NFKBIB: variants seen among roughly 807,000 people sequenced by gnomAD.
NFKBIB encodes the protein NF-kappa-B inhibitor beta.
Under a neutral mutation model 32.1 loss-of-function variants are expected in NFKBIB, and 16 were observed. The observed-to-expected ratio is 0.50, with a 90% CI of 0.34 to 0.76. The LOEUF is 0.76. Among genes scored for constraint, NFKBIB ranks in the 30% least tolerant of loss-of-function variants. The probability of loss-of-function intolerance (pLI) is 0.01; values close to 1 mark genes in which losing one functional copy is unlikely to be tolerated. For missense variants in NFKBIB, 437 were observed against 514.9 expected (o/e 0.85, Z 1.46); for synonymous variants, 222 against 219.5 (o/e 1.01, Z -0.10).
intron 5 of NFKBIB, 52 bp from the exon 6 acceptor site, chr19:38,908,679 G>A (rs1407826732): frequency 6.3e-6 from 10 of 1,575,406 alleles, no homozygotes; most frequent in Non-Finnish European, 8.6e-6. Flanking sequence ...CATGGGTGGT[G>A]GGCAAAGTGA....
chr19:38,899,790 A>G, upstream of NFKBIB: 5 of 675,422 alleles, frequency 7.4e-6, no homozygotes, highest in South Asian at 9.1e-5. Flanking sequence ...GCGTGGCGTC[A>G]GCAGCCATGT....
rs771890953 is a variant in NFKBIB, at chr19:38,908,851, T to A, written c.*19T>A. 6 of 1,610,730 alleles carry A rather than the reference T, an allele frequency of 3.7e-6. No individual in the cohort carries two copies. Among genetic ancestry groups the A allele is most frequent in the Non-Finnish European group, 4.2e-6 (5 of 1,179,162 alleles). On this transcript the variant is annotated 3_prime_UTR_variant, in exon 6 of 6. Coordinates refer to ENST00000313582, the MANE Select transcript of NFKBIB (RefSeq NM_002503.5). ...CGTGTGATTTGTTTCATTGTTAATA[T>A]AATTTCCAGTTTAATAAACAAAACC... is the stretch of plus-strand genomic sequence containing the variant.
chr19:38,905,668 G>A lies in NFKBIB; in HGVS notation c.619+133G>A, dbSNP rs761468270. 38 of 675,422 alleles carry A rather than the reference G, an allele frequency of 5.6e-5. No individual in the cohort carries two copies. The highest frequency in any genetic ancestry group is 9.1e-5 in the Non-Finnish European group (37 of 405,298). 41.8% of individuals were successfully genotyped at this position (675,422 alleles called of 1,614,324 possible). On this transcript the variant is annotated intron_variant, in intron 3 of 5. Coordinates refer to ENST00000313582, the MANE Select transcript of NFKBIB (RefSeq NM_002503.5). The surrounding 1 kb of genome is among the most constrained non-coding windows in gnomAD (Gnocchi z 5.5). ...TAGGCTTCAGGAGCCCACACATCGG[G>A]ACCAGGGACCTCCACTCAGGGCCCA...
In NFKBIB at chr19:38,900,200, G is replaced by T; in HGVS notation, c.168G>T (p.Glu56Asp). 6.2e-7 allele frequency: 1 copy of T among 1,602,016 alleles called. No individual in the cohort carries two copies. Among genetic ancestry groups the T allele is most frequent in the Non-Finnish European group, 8.5e-7 (1 of 1,176,118 alleles). Residue 56 changes from glutamate (E) to aspartate (D), a missense_variant, in exon 1 of 6, where the codon GAG becomes GAT. Coordinates refer to ENST00000313582, the MANE Select transcript of NFKBIB (RefSeq NM_002503.5). ...CCCTCGTCTTCGGCTACGTCACTGAGGATGGGGACACGTGAGTGAACCTTA... is the reference window on the plus strand; with the variant it reads ...CCCTCGTCTTCGGCTACGTCACTGATGATGGGGACACGTGAGTGAACCTTA... ...WAPLVFGYVT[E>D]DGDTALHLAV...
rs769871272 is a variant in NFKBIB, at chr19:38,908,775, C to T, written c.1014C>T (p.Thr338=). ...TGGTTCACAGCAGCCGCAGCCAAAC[C>T]CGGCTGCCTCCCACCCCAGCCTCAA... ...DIVVHSSRSQ[T]RLPPTPASKP... is the part of the protein sequence containing the mutation. The change falls in exon 6 of 6, where the codon ACC becomes ACT. Residue 338 remains threonine (T), a synonymous_variant. Transcript: ENST00000313582. The T allele has an allele frequency of 1.2e-6, 2 of 1,613,596 alleles. No individual in the cohort carries two copies. Among genetic ancestry groups the T allele is most frequent in the Admixed American group, 1.7e-5 (1 of 59,910 alleles).
In NFKBIB at chr19:38,907,214, T is replaced by A; in HGVS notation, c.620-7T>A. 1 of 1,606,566 alleles carries A rather than the reference T, an allele frequency of 6.2e-7. No individual in the cohort carries two copies. Among genetic ancestry groups the A allele is most frequent in the Non-Finnish European group, 8.5e-7 (1 of 1,174,738 alleles). On this transcript the variant is annotated splice_polypyrimidine_tract_variant and splice_region_variant and intron_variant, in intron 3 of 5. Coordinates refer to ENST00000313582, the MANE Select transcript of NFKBIB (RefSeq NM_002503.5). ...TCATCATCTGACGCCAATCACTCTG[T>A]CCCCAGGCCACACCCCACTCCACGT...
intron 5 of NFKBIB, chr19:38,907,934 CG>C: frequency 7.8e-7 from 1 of 1,285,628 alleles, no homozygotes; most frequent in Non-Finnish European, 9.9e-7. Context: ...GTGAACACAG[CG>C]GGGGTGGGTG....
chr19:38,901,109 G>C (rs1248341208), intron 1 of NFKBIB, among the ~76,000 whole-genome samples: 2 of 152,174 alleles, frequency 1.3e-5, no homozygotes, highest in Non-Finnish European at 2.9e-5. Context: ...GCCCAGATGA[G>C]GGATTGTACT....
At chr19:38,908,136 T>C in intron 5 of NFKBIB, 1 of 999,962 alleles carries the variant, frequency 1.0e-6, no homozygotes, top group African/African-American at 1.7e-5. Context: ...GGATGATGGG[T>C]GCGGAGGAAT....
intron 1 of NFKBIB, among the ~76,000 whole-genome samples, chr19:38,904,118 T>A (rs979444026): frequency 6.1e-5 from 9 of 147,742 alleles, no homozygotes; most frequent in African/African-American, 1.7e-4. Flanking sequence ...TAAATAAATA[T>A]TCTTGAATAT....
At position 38,908,715 on chromosome 19, in the gene NFKBIB, TCC is replaced by T. The variant is rs1352297703; in HGVS notation, c.970-13_970-12del. On this transcript the variant is annotated splice_polypyrimidine_tract_variant and intron_variant, in intron 5 of 5. Transcript: ENST00000313582. ...CAGCCGCCTGAGCCCCTCTGCCTGG[TCC>T]CCTTTGCCCCCAGGATGAATACGAC... is the stretch of plus-strand genomic sequence containing the variant. 9 of 1,606,284 alleles carry T rather than the reference TCC, an allele frequency of 5.6e-6. No homozygotes were observed. In the East Asian group the frequency reaches 1.3e-4, roughly 24 times the overall value.
rs1384785126 is a variant in NFKBIB, at chr19:38,907,678, CAG to C, written c.969+20_969+21del. The C allele has an allele frequency of 1.3e-6, 2 of 1,580,534 alleles. No homozygotes were observed. Among genetic ancestry groups the C allele is most frequent in the African/African-American group, 1.3e-5 (1 of 74,422 alleles). ...CGAGGGCGTGAGTCAGGAGGAGAGA[CAG>C]GGCAGCCCAGCTGGGGGGTCAGGAT... On this transcript the variant is annotated intron_variant, in intron 5 of 5. Transcript: ENST00000313582.
chr19:38,902,076 A>ATTTTTTTTTTTTTTTTT (rs1444689459), intron 1 of NFKBIB, among the ~76,000 whole-genome samples: 3 of 64,006 alleles, frequency 4.7e-5, no homozygotes, highest in Admixed American at 2.1e-4. Flanking sequence ...AGTGTTTTTC[A>ATTTTTTTTTTTTTTTTT]TTTTATTTCT....
At chr19:38,906,994 C>T (rs927636690) in intron 3 of NFKBIB, among the ~76,000 whole-genome samples, 5 of 152,324 alleles carry the variant, frequency 3.3e-5, no homozygotes, top group Admixed American at 6.5e-5. Flanking sequence ...TGTTTACCCG[C>T]GGGCCCCAGG....
rs1367106371 is a variant in NFKBIB, at chr19:38,905,303, G to A, written c.387G>A (p.Thr129=). ...GLCVAERRGH[T]ALHLACRVGA... is the part of the protein sequence containing the mutation. ...GTGTGGCGGAGCGTAGGGGCCACACGGCGCTGCACCTGGCCTGCCGTGTGG... is the reference window on the plus strand; with the variant it reads ...GTGTGGCGGAGCGTAGGGGCCACACAGCGCTGCACCTGGCCTGCCGTGTGG... The change falls in exon 3 of 6, where the codon ACG becomes ACA. Residue 129 remains threonine, a synonymous_variant. Transcript: ENST00000313582. This position sits in a 1 kb window ranked among gnomAD's most constrained non-coding sequence, Gnocchi z 5.5. 1.2e-5 allele frequency: 19 copies of A among 1,606,912 alleles called. No individual in the cohort carries two copies. The highest frequency in any genetic ancestry group is 2.2e-5 in the East Asian group (1 of 44,800).
chr19:38,902,864 A>G (rs1168827126), intron 1 of NFKBIB, among the ~76,000 whole-genome samples: 1 of 152,138 alleles, frequency 6.6e-6, no homozygotes, highest in Non-Finnish European at 1.5e-5. Flanking sequence ...TCACAAGGTC[A>G]GGAGATCGAG....
At chr19:38,904,165 TGA>T (rs1974046611) in intron 1 of NFKBIB, among the ~76,000 whole-genome samples, 1 of 152,186 alleles carries the variant, frequency 6.6e-6, no homozygotes, top group Non-Finnish European at 1.5e-5. Context: ...GGAAGTAGTT[TGA>T]GTCTTTCCAG....
chr19:38,902,076 A>ATTT lies in NFKBIB; in HGVS notation c.179+1867_179+1869dup, dbSNP rs1444689459. 1.2e-4 allele frequency among the ~76,000 whole-genome samples: 8 copies of ATTT among 64,056 alleles called. 1 individual carries two copies. Among genetic ancestry groups the ATTT allele is most frequent in the Non-Finnish European group, 2.3e-4 (7 of 30,846 alleles). 42.0% of individuals were successfully genotyped at this position (64,056 alleles called of 152,430 possible). Reference sequence around the variant, plus strand: ...CTGCTCCTTCTGTATAGTGTTTTTCATTTTATTTCTTTTTTTTTTTTTGAG... The same window carrying ATTT: ...CTGCTCCTTCTGTATAGTGTTTTTCATTTTTTTATTTCTTTTTTTTTTTTTGAG... On this transcript the variant is annotated intron_variant, in intron 1 of 5. Coordinates refer to ENST00000313582, the MANE Select transcript of NFKBIB (RefSeq NM_002503.5).
rs948466289 is a variant in NFKBIB at position 38,908,875 on chromosome 19, C to T, written c.*43C>T. On this transcript the variant is annotated 3_prime_UTR_variant, in exon 6 of 6. Transcript: ENST00000313582. ...ATAATTTCCAGTTTAATAAACAAAA[C>T]CCTAGTTCTGACAACCAGAGACCAG... 2.5e-6 allele frequency: 4 copies of T among 1,609,972 alleles called. No individual in the cohort carries two copies. Among genetic ancestry groups the T allele is most frequent in the Admixed American group, 1.7e-5 (1 of 58,872 alleles).
Sources: allele counts gnomAD v4.1 joint callset (sites outside exome capture counted in the v4.1 genomes callset), GRCh38; gene constraint gnomAD v4.1.1; non-coding constraint Gnocchi (gnomAD v3.1); transcripts MANE v1.5; gene names NCBI Gene and HGNC (gene_info 2026-07-23, HGNC 2026-07-21).